Variants in MPDZ observed in about 807,000 individuals in gnomAD.
The protein encoded by MPDZ is multiple PDZ domain crumbs cell polarity complex component.
Under a neutral mutation model 239.1 loss-of-function variants are expected in MPDZ, and 234 were observed. That is an observed-to-expected ratio of 0.98 (90% CI 0.88 to 1.09). The LOEUF (loss-of-function observed/expected upper bound fraction) is 1.09. MPDZ is among the 50% of genes least tolerant of loss of function. The probability of loss-of-function intolerance (pLI) is 0.00; values close to 1 mark genes in which losing one functional copy is unlikely to be tolerated. For missense variants in MPDZ, 3,175 were observed against 2,510.0 expected (o/e 1.26, Z -5.66); for synonymous variants, 1,048 against 881.3 (o/e 1.19, Z -3.35).
At chr9:13,197,363 T>A (rs1955782075) in intron 12 of MPDZ, among the ~76,000 whole-genome samples, 1 of 152,066 alleles carries the variant, frequency 6.6e-6, no homozygotes, top group African/African-American at 2.4e-5. Context: ...GGTCTCAAAC[T>A]TCTGGTCTCA....
intron 19 of MPDZ, among the ~76,000 whole-genome samples, chr9:13,182,226 T>A (rs1441217090): frequency 6.6e-6 from 1 of 152,076 alleles, no homozygotes; most frequent in African/African-American, 2.4e-5. Context: ...TTAAAAAAAA[T>A]TGTCCAGTCT....
intron 1 of MPDZ, among the ~76,000 whole-genome samples, chr9:13,269,214 A>G (rs1027885056): frequency 6.6e-6 from 1 of 152,234 alleles, no homozygotes; most frequent in African/African-American, 2.4e-5. Flanking sequence ...AACTAGAACT[A>G]TCAGGACATC....
intron 28 of MPDZ, among the ~76,000 whole-genome samples, chr9:13,139,192 A>G (rs1340004577): frequency 6.6e-6 from 1 of 152,214 alleles, no homozygotes; most frequent in Non-Finnish European, 1.5e-5. Flanking sequence ...GACTCCTTCC[A>G]CAATACAGCA....
intron 16 of MPDZ, 60 bp from the exon 17 acceptor site, chr9:13,189,053 C>T (rs903974847): frequency 2.2e-5 from 32 of 1,459,980 alleles, no homozygotes; most frequent in African/African-American, 9.8e-5. Context: ...TTCTACAGGT[C>T]GTCCACTCTA....
At chr9:13,242,048 G>A (rs1196569642) in intron 3 of MPDZ, among the ~76,000 whole-genome samples, 3 of 151,860 alleles carry the variant, frequency 2.0e-5, no homozygotes, top group Non-Finnish European at 2.9e-5. Flanking sequence ...GTGTGGCCTT[G>A]GGCAGAAAAA....
At chr9:13,271,722 C>T (rs935906071) in intron 1 of MPDZ, among the ~76,000 whole-genome samples, 10 of 152,100 alleles carry the variant, frequency 6.6e-5, no homozygotes, top group Non-Finnish European at 1.0e-4. Flanking sequence ...AGAATGAATA[C>T]GCACCATAAG....
At chr9:13,228,277 A>T (rs1961260931) in intron 3 of MPDZ, among the ~76,000 whole-genome samples, 1 of 152,126 alleles carries the variant, frequency 6.6e-6, no homozygotes, top group Non-Finnish European at 1.5e-5. Flanking sequence ...TTAGCAAATA[A>T]ACATATATTA....
intron 32 of MPDZ, among the ~76,000 whole-genome samples, chr9:13,131,916 A>G (rs1313429350): frequency 6.6e-6 from 1 of 152,214 alleles, no homozygotes; most frequent in East Asian, 1.9e-4. Flanking sequence ...AAGTGACTCC[A>G]AAGCCCACAC....
intron 29 of MPDZ, 76 bp downstream of exon 29, chr9:13,137,881 G>T (rs1458477660): frequency 1.4e-6 from 2 of 1,431,872 alleles, no homozygotes; most frequent in East Asian, 2.4e-5. Context: ...TAAGGTATGG[G>T]TGATTTTCTG....
chr9:13,150,032 T>G (rs929560162), intron 25 of MPDZ, among the ~76,000 whole-genome samples: 1 of 152,122 alleles, frequency 6.6e-6, no homozygotes, highest in Non-Finnish European at 1.5e-5. Context: ...AATAAAGTAC[T>G]TATTGAAATA....
chr9:13,266,259 T>A (rs951526649), intron 1 of MPDZ, among the ~76,000 whole-genome samples: 4 of 152,210 alleles, frequency 2.6e-5, no homozygotes, highest in Admixed American at 6.5e-5. Flanking sequence ...CAGGCTCAAA[T>A]TTCTCATCGG....
chr9:13,177,253 T>C (rs905488114), intron 19 of MPDZ, among the ~76,000 whole-genome samples: 1 of 152,142 alleles, frequency 6.6e-6, no homozygotes, highest in African/African-American at 2.4e-5. Flanking sequence ...TCATTGATAG[T>C]TTCAATGTAT....
intron 19 of MPDZ, among the ~76,000 whole-genome samples, chr9:13,177,045 T>C (rs1952595439): frequency 6.6e-6 from 1 of 152,202 alleles, no homozygotes; most frequent in African/African-American, 2.4e-5. Context: ...ATCCAGGCTC[T>C]GTTATTAACA....
chr9:13,209,196 A>G (rs1277973236), intron 10 of MPDZ, among the ~76,000 whole-genome samples: 1 of 152,190 alleles, frequency 6.6e-6, no homozygotes, highest in African/African-American at 2.4e-5. Flanking sequence ...AAACACACCA[A>G]GTACTAAAGG....
At chr9:13,276,677 C>T (rs1974278290) in intron 1 of MPDZ, 1 of 152,198 alleles carries the variant, frequency 6.6e-6, no homozygotes, top group Admixed American at 6.5e-5. Flanking sequence ...TATTTGGGGA[C>T]ATTCCAGTCC....
At chr9:13,120,790 C>T (rs915990112) in intron 38 of MPDZ, 1 of 152,160 alleles carries the variant, frequency 6.6e-6, no homozygotes, top group Admixed American at 6.5e-5. Flanking sequence ...ATAAAGATCA[C>T]CATTTCACAG....
chr9:13,190,365 C>A, intron 15 of MPDZ, 66 bp from the exon 16 acceptor site: 1 of 1,291,474 alleles, frequency 7.7e-7, no homozygotes, highest in Non-Finnish European at 1.0e-6. Context: ...ACCAACACTA[C>A]AAGAAAAGGG....
intron 1 of MPDZ, among the ~76,000 whole-genome samples, chr9:13,252,465 C>CT (rs1968309091): frequency 6.6e-6 from 1 of 150,926 alleles, no homozygotes; most frequent in South Asian, 2.1e-4. Flanking sequence ...ACTCAGGAGT[C>CT]TGAGACAGGA....
Position 13,122,165 on chromosome 9 carries a change from G to A in MPDZ, c.4959C>T (p.Ala1653=), listed in dbSNP as rs769988702. 1.2e-6 allele frequency: 2 copies of A among 1,613,724 alleles called. No homozygotes were observed. The highest frequency in any genetic ancestry group is 1.7e-6 in the Non-Finnish European group (2 of 1,179,816). Residue 1653 remains alanine, a synonymous_variant, in exon 37 of 47, where the codon GCC becomes GCT. Coordinates refer to ENST00000319217, the MANE Select transcript of MPDZ (RefSeq NM_001378778.1). The part of the protein sequence containing the change: ...IVGGSDTLLG[A]IIIHEVYEEG... The stretch of plus-strand genomic sequence containing the variant: ...CTTCATAAACTTCATGGATAATAAT[G>A]GCACCCTAAGGGCCCAAACAAAACA...
Sources: allele counts gnomAD v4.1 joint callset (sites outside exome capture counted in the v4.1 genomes callset), GRCh38; gene constraint gnomAD v4.1.1; transcripts MANE v1.5; gene names NCBI Gene and HGNC (gene_info 2026-07-23, HGNC 2026-07-21).